Variants in FGF14 observed in about 807,000 individuals in gnomAD.
The protein encoded by FGF14 is fibroblast growth factor homologous factor 4.
FGF14 carries 5 observed loss-of-function variants against 25.5 expected under a neutral mutation model. That is an observed-to-expected ratio of 0.20 (90% CI 0.10 to 0.41). FGF14 has a LOEUF of 0.41. Among genes scored for constraint, FGF14 ranks in the 10% least tolerant of loss-of-function variants. The pLI is 1.00. For synonymous variants in FGF14, 138 were observed against 118.3 expected, an observed-to-expected ratio of 1.17 and a Z score of -1.08; for missense variants, 222 against 320.1, an observed-to-expected ratio of 0.69 and a Z score of 2.34.
chr13:102,041,696 T>C (rs2041751874), intron 1 of FGF14, among the ~76,000 whole-genome samples: 1 of 152,142 alleles, frequency 6.6e-6, no homozygotes, highest in Non-Finnish European at 1.5e-5. Context: ...TGCAGAACTG[T>C]CTTTCACTGT....
chr13:101,964,668 A>T (rs1207095498), intron 1 of FGF14, among the ~76,000 whole-genome samples: 1 of 152,182 alleles, frequency 6.6e-6, no homozygotes, highest in African/African-American at 2.4e-5. Flanking sequence ...AATAAAAATA[A>T]TTACTCTTTA....
At chr13:101,894,902 GA>G (rs977869811) in intron 1 of FGF14, among the ~76,000 whole-genome samples, 5 of 151,356 alleles carry the variant, frequency 3.3e-5, no homozygotes, top group African/African-American at 9.7e-5. Flanking sequence ...CATGGAAAAA[GA>G]AAAAAAATAT....
At chr13:102,254,504 T>G (rs2141085820) in intron 1 of FGF14, among the ~76,000 whole-genome samples, 1 of 152,286 alleles carries the variant, frequency 6.6e-6, no homozygotes, top group Admixed American at 6.5e-5. Context: ...AATTTTATAC[T>G]TTATTAAGAT....
rs182578320 is a variant in FGF14, at chr13:102,153,800, G to C, written c.208+247671C>G. ...CTAGTTGGAAATCCATCTAATCTCA[G>C]AGAATGAGAGAGAAGGACGAATCAC... On this transcript the variant is annotated intron_variant, in intron 1 of 4. Coordinates refer to the FGF14 transcript ENST00000376131. Among the ~76,000 whole-genome samples the C allele has an allele frequency of 1.5e-3, 226 of 152,230 alleles. 2 individuals carry two copies. In the South Asian group the frequency reaches 0.022, roughly 15 times the overall value.
chr13:102,227,866 G>A lies in FGF14; in HGVS notation c.208+173605C>T, dbSNP rs117578144. Among the ~76,000 whole-genome samples, 651 of 152,128 alleles carry A rather than the reference G, an allele frequency of 4.3e-3. 14 individuals carry two copies. Among genetic ancestry groups the A allele is most frequent in the East Asian group, 8.3e-3 (43 of 5,178 alleles). On this transcript the variant is annotated intron_variant, in intron 1 of 4. Coordinates refer to the FGF14 transcript ENST00000376131. The stretch of plus-strand genomic sequence containing the variant: ...CAATCAAGCATACATACCATCTGGC[G>A]TCTTGTCTGCTGAGCTACGTAAACC...
chr13:102,303,617 T>A (rs1222079848), intron 1 of FGF14, among the ~76,000 whole-genome samples: 2 of 152,164 alleles, frequency 1.3e-5, no homozygotes, highest in Admixed American at 1.3e-4. Context: ...AATAAGAAAG[T>A]TAGGGCTAAC....
Position 101,884,864 on chromosome 13 carries a change from T to TAC in FGF14, c.194-9570_194-9569dup, listed in dbSNP as rs777387703. Among the ~76,000 whole-genome samples the TAC allele has an allele frequency of 6.1e-3, 907 of 148,252 alleles. 5 individuals are homozygous for TAC. In the Middle Eastern group the frequency reaches 0.062, roughly 10 times the overall value. On this transcript the variant is annotated intron_variant, in intron 1 of 4. Transcript: ENST00000376143. ...TTGACCAAACACACACACAGACACA[T>TAC]ACATACACACACACACACACACACA...
chr13:102,144,214 G>A (rs2046760007), intron 1 of FGF14, among the ~76,000 whole-genome samples: 3 of 151,954 alleles, frequency 2.0e-5, no homozygotes. Flanking sequence ...ACTGTATCTG[G>A]CCCGCCATGC....
At chr13:102,246,087 G>A (rs552954361) in intron 1 of FGF14, among the ~76,000 whole-genome samples, 1 of 152,166 alleles carries the variant, frequency 6.6e-6, no homozygotes, top group South Asian at 2.1e-4. Flanking sequence ...TAGAAAAGAA[G>A]TGAAGCACAG....
intron 1 of FGF14, among the ~76,000 whole-genome samples, chr13:101,950,751 GTT>G (rs61285721): frequency 0.03 from 3,906 of 131,904 alleles, 90 homozygotes; most frequent in African/African-American, 0.083. Flanking sequence ...ACCTAATCAT[GTT>G]TTTTTTTTTT....
intron 1 of FGF14, among the ~76,000 whole-genome samples, chr13:101,955,892 A>C (rs1161315787): frequency 6.6e-6 from 1 of 152,250 alleles, no homozygotes; most frequent in Non-Finnish European, 1.5e-5. Context: ...GATAAATCTC[A>C]GATGGGTACA....
chr13:102,259,226 C>G (rs2052596596), intron 1 of FGF14, among the ~76,000 whole-genome samples: 1 of 152,186 alleles, frequency 6.6e-6, no homozygotes, highest in South Asian at 2.1e-4. Flanking sequence ...CTCATCCCTC[C>G]AGGTCCATGC....
intron 1 of FGF14, among the ~76,000 whole-genome samples, chr13:102,013,201 T>G (rs1372634356): frequency 2.6e-5 from 4 of 151,110 alleles, no homozygotes; most frequent in Non-Finnish European, 5.9e-5. Flanking sequence ...TAAAAAGAAG[T>G]AGGACAGGGG....
intron 1 of FGF14, among the ~76,000 whole-genome samples, chr13:102,160,927 T>C (rs1049663205): frequency 3.3e-5 from 5 of 152,176 alleles, no homozygotes; most frequent in Non-Finnish European, 7.3e-5. Flanking sequence ...ACGGAAGAAC[T>C]CACAACTGAA....
chr13:101,993,354 G>C (rs1181530738), intron 1 of FGF14, among the ~76,000 whole-genome samples: 2 of 151,908 alleles, frequency 1.3e-5, no homozygotes, highest in Non-Finnish European at 2.9e-5. Context: ...GTTAAACAAA[G>C]GTCTTAAGAG....
intron 1 of FGF14, among the ~76,000 whole-genome samples, chr13:102,118,836 T>G (rs1035683936): frequency 1.3e-5 from 2 of 152,210 alleles, no homozygotes; most frequent in South Asian, 4.2e-4. Context: ...CACCAAAAAA[T>G]TAAATTAAAT....
intron 1 of FGF14, among the ~76,000 whole-genome samples, chr13:102,320,263 C>CA (rs11312864): frequency 0.21 from 28,387 of 133,686 alleles, 3,422 homozygotes; most frequent in East Asian, 0.39. Flanking sequence ...TTGAAAACTC[C>CA]AAAAAAAAAA....
At chr13:102,133,073 G>C (rs1379491114) in intron 1 of FGF14, among the ~76,000 whole-genome samples, 3 of 152,116 alleles carry the variant, frequency 2.0e-5, no homozygotes, top group Admixed American at 6.5e-5. Context: ...TATTGAAATG[G>C]ATTGTTGACC....
At chr13:102,161,565 T>TTAGTCATAGTACCA (rs371244160) in intron 1 of FGF14, among the ~76,000 whole-genome samples, 2 of 97,988 alleles carry the variant, frequency 2.0e-5, no homozygotes, top group African/African-American at 6.5e-5. Context: ...CAACTTTCTG[T>TTAGTCATAGTACCA]GAAGAAAGAA....
Sources: allele counts gnomAD v4.1 joint callset (sites outside exome capture counted in the v4.1 genomes callset), GRCh38; gene constraint gnomAD v4.1.1; transcripts MANE v1.5; gene names NCBI Gene and HGNC (gene_info 2026-07-23, HGNC 2026-07-21).